AHRR: variants seen among roughly 807,000 people sequenced by gnomAD.
The protein encoded by AHRR is ahR repressor.
Under a neutral mutation model 44.0 loss-of-function variants are expected in AHRR, and 28 were observed. The ratio of observed to expected loss-of-function variants is 0.64; its 90% confidence interval spans 0.47 to 0.87. The LOEUF is 0.87. AHRR is among the 40% of genes least tolerant of loss of function. The pLI is 0.00. For synonymous variants in AHRR, 434 were observed against 407.0 expected, an observed-to-expected ratio of 1.07 and a Z score of -0.80; for missense variants, 990 against 953.9, an observed-to-expected ratio of 1.04 and a Z score of -0.50.
In AHRR at chr5:434,823, T is replaced by G. The variant is rs756466292; in HGVS notation, c.2083T>G (p.Phe695Val). ...CCCGCCCCAAGCTTCGGGGTGCACA[T>G]TCCTGCCATAGCGCAGTGACCACCA... ...LVPPQASGCT[F>V]LP is the part of the protein sequence containing the mutation. Residue 695 changes from phenylalanine (F) to valine (V), a missense_variant, in exon 11 of 11, where the codon TTC becomes GTC. Phe to Val is a conservative substitution (Grantham distance 50, BLOSUM62 -1). Transcript: ENST00000684583. 2.8e-5 allele frequency: 44 copies of G among 1,548,682 alleles called. No homozygotes were observed. Among genetic ancestry groups the G allele is most frequent in the Non-Finnish European group, 3.8e-5 (44 of 1,145,030 alleles).
chr5:408,793 T>A (rs185231832), intron 4 of AHRR, among the ~76,000 whole-genome samples: 1 of 152,230 alleles, frequency 6.6e-6, no homozygotes, highest in Non-Finnish European at 1.5e-5. Flanking sequence ...TAGAATTCCA[T>A]GTTAAAGCCG....
chr5:327,706 A>T (rs1249899347), intron 1 of AHRR, among the ~76,000 whole-genome samples: 1 of 152,256 alleles, frequency 6.6e-6, no homozygotes, highest in East Asian at 1.9e-4. Context: ...TCTTTTTGAT[A>T]TATTGATTTC....
chr5:335,433 G>A (rs1742086019), intron 1 of AHRR, among the ~76,000 whole-genome samples: 1 of 143,612 alleles, frequency 7.0e-6, no homozygotes, highest in African/African-American at 2.5e-5. Context: ...CCTGGGAGAA[G>A]GGCTCAGTGT....
intron 3 of AHRR, 49 bp from the exon 4 acceptor site, chr5:376,561 G>GGGTGTA: frequency 6.8e-7 from 1 of 1,479,910 alleles, no homozygotes. Context: ...AAGAAGAGTG[G>GGGTGTA]CCAGGCCAAG....
At chr5:398,427 ACATAAGCCCCTGACTGTC>A (rs1734862873) in intron 4 of AHRR, among the ~76,000 whole-genome samples, 1 of 152,092 alleles carries the variant, frequency 6.6e-6, no homozygotes. Flanking sequence ...CTGACCATCC[ACATAAGCCCCTGACTGTC>A]CAGTTAGCCT....
At chr5:354,287 C>T (rs554037364) in intron 3 of AHRR, among the ~76,000 whole-genome samples, 40 of 152,348 alleles carry the variant, frequency 2.6e-4, no homozygotes, top group Middle Eastern at 3.4e-3. Context: ...CCACAGACCC[C>T]GGCTCCAGGG....
At chr5:425,932 G>T (rs532236080) in intron 7 of AHRR, among the ~76,000 whole-genome samples, 7 of 152,182 alleles carry the variant, frequency 4.6e-5, no homozygotes, top group Non-Finnish European at 1.0e-4. Context: ...GGCAATGCGG[G>T]TGTCATGGAA....
chr5:413,406 G>T lies in AHRR; in HGVS notation c.414G>T (p.Thr138=). 1 of 1,613,812 alleles carries T rather than the reference G, an allele frequency of 6.2e-7. No individual in the cohort carries two copies. The highest frequency in any genetic ancestry group is 8.5e-7 in the Non-Finnish European group (1 of 1,179,848). ...GGACGATATTTTATGCATCAGCAAC[G>T]ATCGTGGACTATCTGGGCTTCCATC... ...AEGTIFYASA[T]IVDYLGFHQT... is the part of the protein sequence containing the mutation. Residue 138 remains threonine (T), a synonymous_variant, in exon 5 of 11, where the codon ACG becomes ACT. Transcript: ENST00000684583.
intron 10 of AHRR, 142 bp downstream of exon 10, chr5:433,089 C>A: frequency 9.2e-7 from 1 of 1,086,056 alleles, no homozygotes; most frequent in Non-Finnish European, 1.3e-6. Context: ...CACAGCTAAC[C>A]TTACTCTCTG....
At chr5:386,625 C>T (rs920193453) in intron 4 of AHRR, among the ~76,000 whole-genome samples, 1 of 152,256 alleles carries the variant, frequency 6.6e-6, no homozygotes, top group African/African-American at 2.4e-5. Flanking sequence ...TGGAGCACAG[C>T]CATGGGGCTC....
chr5:416,309 G>C (rs1463904661), intron 5 of AHRR, among the ~76,000 whole-genome samples: 1 of 152,234 alleles, frequency 6.6e-6, no homozygotes, highest in Non-Finnish European at 1.5e-5. Flanking sequence ...CTCATTTCCT[G>C]TGCCCACACA....
intron 3 of AHRR, among the ~76,000 whole-genome samples, chr5:359,495 T>A (rs1013066023): frequency 6.6e-6 from 1 of 152,212 alleles, no homozygotes; most frequent in Non-Finnish European, 1.5e-5. Flanking sequence ...GTGTGTGTTC[T>A]TGTTGCTGTG....
chr5:434,353 A>G lies in AHRR; in HGVS notation c.1613A>G (p.Asp538Gly). The G allele has an allele frequency of 6.2e-7, 1 of 1,613,228 alleles. No individual in the cohort carries two copies. Among genetic ancestry groups the G allele is most frequent in the South Asian group, 1.1e-5 (1 of 91,004 alleles). Reference protein sequence around the residue: ...LLDVSIKMEKDSGCEGAADGC... With the variant: ...LLDVSIKMEKGSGCEGAADGC... ...GATGTGTCCATCAAGATGGAGAAGGACTCTGGGTGTGAGGGTGCTGCAGAC... is the reference window on the plus strand; with the variant it reads ...GATGTGTCCATCAAGATGGAGAAGGGCTCTGGGTGTGAGGGTGCTGCAGAC... Residue 538 changes from aspartate (D) to glycine (G), a missense_variant, in exon 11 of 11, where the codon GAC (aspartate) becomes GGC (glycine). Physicochemically the swap from Asp to Gly is moderately conservative, Grantham distance 94 (BLOSUM62 -1). Coordinates refer to ENST00000684583, the MANE Select transcript of AHRR (RefSeq NM_001377236.1).
intron 4 of AHRR, among the ~76,000 whole-genome samples, chr5:402,420 G>A (rs554254124): frequency 7.3e-6 from 1 of 137,378 alleles, no homozygotes; most frequent in South Asian, 2.4e-4. Flanking sequence ...TGTTGAGGGT[G>A]TGGAGAGAAG....
At chr5:351,802 G>A (rs1192677623) in intron 2 of AHRR, among the ~76,000 whole-genome samples, 4 of 152,210 alleles carry the variant, frequency 2.6e-5, no homozygotes, top group African/African-American at 9.6e-5. Context: ...ACTGGTTTAC[G>A]GCCTAGGTTG....
At chr5:422,482 C>T (rs41282619) in intron 5 of AHRR, 3 of 524,612 alleles carry the variant, frequency 5.7e-6, no homozygotes, top group African/African-American at 1.9e-5. Context: ...CCGCTTGCCC[C>T]GAAAGGCTGG....
At chr5:396,814 C>T (rs1579663868) in intron 4 of AHRR, among the ~76,000 whole-genome samples, 1 of 151,986 alleles carries the variant, frequency 6.6e-6, no homozygotes, top group African/African-American at 2.4e-5. Flanking sequence ...GACCCCCACC[C>T]GCCCATCCAC....
chr5:376,308 G>A (rs1733633407), intron 3 of AHRR, among the ~76,000 whole-genome samples: 1 of 152,160 alleles, frequency 6.6e-6, no homozygotes, highest in South Asian at 2.1e-4. Flanking sequence ...GGGACAGAGA[G>A]CAGTTTCTGC....
intron 8 of AHRR, among the ~76,000 whole-genome samples, chr5:431,040 G>A (rs533398596): frequency 8.3e-4 from 127 of 152,330 alleles, no homozygotes; most frequent in Non-Finnish European, 8.4e-4. Flanking sequence ...ACTGTCCTCC[G>A]CTTACCGTCA....
Sources: allele counts gnomAD v4.1 joint callset (sites outside exome capture counted in the v4.1 genomes callset), GRCh38; gene constraint gnomAD v4.1.1; transcripts MANE v1.5; gene names NCBI Gene and HGNC (gene_info 2026-07-23, HGNC 2026-07-21).